Variants in FGFR2 observed in about 807,000 individuals in gnomAD.
FGFR2 encodes the protein BEK fibroblast growth factor receptor.
FGFR2 carries 19 observed loss-of-function variants against 95.9 expected under a neutral mutation model. The ratio of observed to expected loss-of-function variants is 0.20; its 90% CI spans 0.14 to 0.29. The LOEUF (loss-of-function observed/expected upper bound fraction) is 0.29, where lower values mean the gene tolerates loss of function less well. Among genes scored for constraint, FGFR2 ranks in the 10% least tolerant of loss-of-function variants. The pLI, the probability that FGFR2 is intolerant of heterozygous loss-of-function variation, is 1.00. For synonymous variants in FGFR2, 392 were observed against 393.3 expected (o/e 1.00, Z 0.04); for missense variants, 707 against 1,056.9 (o/e 0.67, Z 4.59).
At chr10:121,593,450 A>G (rs534776621) in intron 2 of FGFR2, among the ~76,000 whole-genome samples, 5 of 152,146 alleles carry the variant, frequency 3.3e-5, no homozygotes, top group Admixed American at 2.6e-4. Context: ...ATAAAGGCCA[A>G]CTCCCAGCTG....
chr10:121,563,500 T>C (rs9888022), intron 4 of FGFR2, among the ~76,000 whole-genome samples: 20,906 of 152,118 alleles, frequency 0.14, 4,187 homozygotes, highest in African/African-American at 0.44. Context: ...AAGCAGAGAA[T>C]CCCAATACCC....
At chr10:121,560,318 CA>C (rs1856761449) in intron 4 of FGFR2, among the ~76,000 whole-genome samples, 1 of 152,060 alleles carries the variant, frequency 6.6e-6, no homozygotes, top group South Asian at 2.1e-4. Flanking sequence ...AGCCACTGGC[CA>C]AAAGAAGTGA....
In FGFR2 at chr10:121,498,595, T is replaced by C. The variant is rs74160613; in HGVS notation, c.1572A>G (p.Thr524=). The change falls in exon 12 of 18, where the codon ACA becomes ACG. Residue 524 remains threonine (T), a synonymous_variant. Transcript: ENST00000358487. The part of the protein sequence containing the change: ...VAVKMLKDDA[T]EKDLSDLVSE... ...ACACCAGATCAGAAAGGTCTTTCTC[T>C]GTGGCATCATCTATGAACAGTAGGC... is the stretch of plus-strand genomic sequence containing the variant. 5.3e-4 allele frequency: 850 copies of C among 1,614,040 alleles called. 2 individuals carry two copies. The African/African-American group carries it at 0.01, about 20-fold the overall frequency.
intron 1 of FGFR2, among the ~76,000 whole-genome samples, chr10:121,596,177 T>G (rs1179150318): frequency 1.3e-5 from 2 of 152,194 alleles, no homozygotes; most frequent in East Asian, 3.9e-4. Flanking sequence ...AACTCTCTTC[T>G]CAGCCTGCAC....
chr10:121,558,986 C>G (rs1856568213), intron 4 of FGFR2, among the ~76,000 whole-genome samples: 1 of 152,004 alleles, frequency 6.6e-6, no homozygotes, highest in Admixed American at 6.6e-5. Flanking sequence ...GCTGAGCTTG[C>G]CTTCTTATGT....
chr10:121,535,675 C>G (rs145097082), intron 6 of FGFR2, among the ~76,000 whole-genome samples: 1 of 152,178 alleles, frequency 6.6e-6, no homozygotes, highest in Non-Finnish European at 1.5e-5. Flanking sequence ...ATTACCAAAA[C>G]GTGGAGCATC....
At chr10:121,493,809 C>T (rs993341529) in intron 13 of FGFR2, among the ~76,000 whole-genome samples, 4 of 152,044 alleles carry the variant, frequency 2.6e-5, no homozygotes, top group Admixed American at 6.6e-5. Flanking sequence ...ACGCTCAAGA[C>T]GAGCTCGGAT....
rs1047102 is a variant in FGFR2, at chr10:121,565,655, C to T, written c.159G>A (p.Ala53=). ...AGCGCACCTCTAGCGACTCCCCTGG[C>T]GCAGCCACGTACACTTCTGGTTGAG... ...QISQPEVYVA[A]PGESLEVRCL... The change falls in exon 3 of 18, where the codon GCG becomes GCA. Residue 53 remains alanine (A), a synonymous_variant. Transcript: ENST00000358487. The T allele has an allele frequency of 3.9e-3, 6,313 of 1,614,190 alleles. 12 individuals are homozygous for T. The highest frequency in any genetic ancestry group is 4.3e-3 in the Non-Finnish European group (5,113 of 1,180,026).
chr10:121,597,192 G>A (rs756724884), intron 1 of FGFR2, among the ~76,000 whole-genome samples: 1 of 152,218 alleles, frequency 6.6e-6, no homozygotes, highest in Admixed American at 6.5e-5. Context: ...GTCCGCGAGG[G>A]TCGGAGCCAG....
In FGFR2 at chr10:121,517,541, G is replaced by A. The variant is rs530281497; in HGVS notation, c.940-78C>T. The A allele has an allele frequency of 4.0e-5, 62 of 1,569,158 alleles. No homozygotes were observed. In the African/African-American group the frequency reaches 4.3e-4, roughly 11 times the overall value. On this transcript the variant is annotated intron_variant, in intron 7 of 17. Coordinates refer to ENST00000358487, the MANE Select transcript of FGFR2 (RefSeq NM_000141.5). This position sits in a 1 kb window ranked among gnomAD's most constrained non-coding sequence, Gnocchi z 4.7. Reference sequence around the variant, plus strand: ...GGAGGGGGCTGTGGAACCACAAGGCGTCGCACCGGGGGCTTCAGGGGGTGC... The same window carrying A: ...GGAGGGGGCTGTGGAACCACAAGGCATCGCACCGGGGGCTTCAGGGGGTGC...
intron 9 of FGFR2, among the ~76,000 whole-genome samples, chr10:121,506,218 TGTG>T (rs1227800061): frequency 6.6e-6 from 1 of 151,440 alleles, no homozygotes; most frequent in Non-Finnish European, 1.5e-5. Context: ...ATGAGTCGGT[TGTG>T]GTGGTAGGCG....
intron 4 of FGFR2, among the ~76,000 whole-genome samples, chr10:121,556,663 T>C (rs551851903): frequency 6.6e-6 from 1 of 152,290 alleles, no homozygotes; most frequent in South Asian, 2.1e-4. Context: ...CACTCCAGCC[T>C]GCCCTTTGAA....
intron 9 of FGFR2, among the ~76,000 whole-genome samples, chr10:121,510,347 C>T (rs989636085): frequency 6.6e-6 from 1 of 152,138 alleles, no homozygotes; most frequent in Non-Finnish European, 1.5e-5. Context: ...CTGTCATGTC[C>T]TTTGGAGGCT....
intron 5 of FGFR2, among the ~76,000 whole-genome samples, chr10:121,543,435 G>A (rs762238957): frequency 7.2e-5 from 11 of 152,116 alleles, no homozygotes; most frequent in Non-Finnish European, 1.3e-4. Flanking sequence ...GCTTGAACCC[G>A]GGAGACAGAG....
At position 121,571,089 on chromosome 10, in the gene FGFR2, C is replaced by T. The variant is rs372851484; in HGVS notation, c.110-5385G>A. The stretch of plus-strand genomic sequence containing the variant: ...CTGCAAGCTCCACCTCCCGGGTTCA[C>T]GCTATTCACCTGCCTCAGCCTCCTG... On this transcript the variant is annotated intron_variant, in intron 2 of 17. Transcript: ENST00000358487. 6.0e-3 allele frequency among the ~76,000 whole-genome samples: 853 copies of T among 141,142 alleles called. 6 individuals carry two copies. Among genetic ancestry groups the T allele is most frequent in the African/African-American group, 0.02 (743 of 37,874 alleles). The allele number at this position is 141,142 out of a possible 152,430, so 92.6% of individuals were successfully genotyped here. A position where few individuals can be genotyped will look rare whatever the true frequency, so the allele number is the denominator to read the frequency against.
chr10:121,524,841 G>C (rs909596130), intron 6 of FGFR2, among the ~76,000 whole-genome samples: 2 of 152,224 alleles, frequency 1.3e-5, no homozygotes, highest in Admixed American at 1.3e-4. Flanking sequence ...GAACCTCCCC[G>C]GTCCCTGGGC....
At chr10:121,492,397 C>G (rs1359964458) in intron 13 of FGFR2, among the ~76,000 whole-genome samples, 2 of 151,872 alleles carry the variant, frequency 1.3e-5, no homozygotes, top group African/African-American at 4.9e-5. Flanking sequence ...TACCCCAACA[C>G]TCACACACTC....
chr10:121,516,514 G>A (rs1229015284), intron 8 of FGFR2, among the ~76,000 whole-genome samples: 1 of 152,074 alleles, frequency 6.6e-6, no homozygotes, highest in African/African-American at 2.4e-5. Flanking sequence ...TAAAAACAAG[G>A]AATTAATAAC....
At position 121,593,978 on chromosome 10, in the gene FGFR2, G is replaced by C; in HGVS notation, c.-150-11C>G. On this transcript the variant is annotated splice_polypyrimidine_tract_variant and intron_variant, in intron 1 of 17. Transcript: ENST00000358487. ...CTGCTGCTGCAGTCACTAAAGGAAAGAGATTGGCGAGTCAGGGAATCTTCC... is the reference window on the plus strand; with the variant it reads ...CTGCTGCTGCAGTCACTAAAGGAAACAGATTGGCGAGTCAGGGAATCTTCC... 2 of 717,990 alleles carry C rather than the reference G, an allele frequency of 2.8e-6. No individual in the cohort carries two copies. The allele number at this position is 717,990 out of a possible 1,614,324, so 44.5% of individuals were successfully genotyped here.
Sources: gnomAD v4.1 joint callset for allele counts (sites outside exome capture counted in the v4.1 genomes callset) on GRCh38, gnomAD v4.1.1 for gene constraint, Gnocchi (gnomAD v3.1) non-coding constraint, MANE v1.5 for transcripts, NCBI Gene and HGNC (gene_info 2026-07-23, HGNC 2026-07-21) for gene names.